Variants in CDH13 observed in about 807,000 individuals in gnomAD.
CDH13 encodes cadherin-13.
In CDH13, 24 loss-of-function variants were observed where a neutral mutation model predicts 63.8. The ratio of observed to expected loss-of-function variants is 0.38; its 90% CI spans 0.27 to 0.53. CDH13 has a LOEUF of 0.53. Ranked by LOEUF, CDH13 falls within the 20% of genes least tolerant of loss-of-function variation. CDH13 has a pLI of 0.85. For missense variants in CDH13, 1,049 were observed against 903.1 expected, an observed-to-expected ratio of 1.16 and a Z score of -2.07; for synonymous variants, 503 against 355.3, an observed-to-expected ratio of 1.42 and a Z score of -4.67.
At chr16:83,329,751 C>G (rs1315618187) in intron 5 of CDH13, among the ~76,000 whole-genome samples, 1 of 152,122 alleles carries the variant, frequency 6.6e-6, no homozygotes, top group East Asian at 1.9e-4. Context: ...CTTTAGAGAG[C>G]TCATATAAGT....
Position 82,700,951 on chromosome 16 carries a change from A to ACCCCCCCCCCCCCCCCCCCC in CDH13, c.45+73817_45+73818insCCCCCCCCCCCCCCCCCCCC, listed in dbSNP as rs1287553502. On this transcript the variant is annotated intron_variant, in intron 1 of 13. Coordinates refer to ENST00000567109, the MANE Select transcript of CDH13 (RefSeq NM_001257.5). ...TACGTGCACCATTGTAAGTGCTGGAACCCGCCCCCCCCCCCCCCCCCCCGC... is the reference window on the plus strand; with the variant it reads ...TACGTGCACCATTGTAAGTGCTGGAACCCCCCCCCCCCCCCCCCCCCCCGCCCCCCCCCCCCCCCCCCCGC... Among the ~76,000 whole-genome samples the ACCCCCCCCCCCCCCCCCCCC allele has an allele frequency of 5.1e-4, 7 of 13,806 alleles. 1 individual carries two copies. The highest frequency in any genetic ancestry group is 1.0e-3 in the Non-Finnish European group (5 of 4,876). 9.1% of individuals were successfully genotyped at this position (13,806 alleles called of 152,430 possible).
chr16:83,593,172 C>T (rs9930714), intron 7 of CDH13, among the ~76,000 whole-genome samples: 1,586 of 152,262 alleles, frequency 0.01, 33 homozygotes, highest in African/African-American at 0.036. Flanking sequence ...ATTGCAAGGA[C>T]GCTTGTGATG....
chr16:83,331,393 C>G (rs1169775863), intron 5 of CDH13, among the ~76,000 whole-genome samples: 1 of 152,156 alleles, frequency 6.6e-6, no homozygotes. Flanking sequence ...TACTATAATA[C>G]TGATGATGTC....
At chr16:83,427,839 T>C (rs1380562181) in intron 6 of CDH13, among the ~76,000 whole-genome samples, 1 of 152,196 alleles carries the variant, frequency 6.6e-6, no homozygotes, top group East Asian at 1.9e-4. Context: ...GTTCCCCTAA[T>C]AGTATTAACA....
At chr16:83,259,471 G>C (rs1263913288) in intron 5 of CDH13, among the ~76,000 whole-genome samples, 4 of 152,124 alleles carry the variant, frequency 2.6e-5, no homozygotes, top group Admixed American at 1.3e-4. Context: ...TGGGTGGCCA[G>C]TGGAGTTCTC....
chr16:83,547,357 T>C (rs1737248049), intron 7 of CDH13, among the ~76,000 whole-genome samples: 1 of 152,234 alleles, frequency 6.6e-6, no homozygotes, highest in African/African-American at 2.4e-5. Flanking sequence ...ATTTGTTACA[T>C]AGGTAAACTC....
intron 4 of CDH13, among the ~76,000 whole-genome samples, chr16:83,186,431 C>G (rs1014818225): frequency 2.6e-5 from 4 of 152,134 alleles, no homozygotes; most frequent in Non-Finnish European, 5.9e-5. Flanking sequence ...GCCACAGCGC[C>G]CGGCCTAATG....
intron 2 of CDH13, among the ~76,000 whole-genome samples, chr16:82,884,938 C>G (rs1208156260): frequency 6.6e-6 from 1 of 152,168 alleles, no homozygotes; most frequent in Non-Finnish European, 1.5e-5. Context: ...AAAGCTCTTT[C>G]TTTTGGGGAG....
chr16:83,261,367 A>G (rs1400980012), intron 5 of CDH13, among the ~76,000 whole-genome samples: 1 of 152,180 alleles, frequency 6.6e-6, no homozygotes, highest in Non-Finnish European at 1.5e-5. Flanking sequence ...CCTTCAGGGG[A>G]GAACTGGCAG....
intron 2 of CDH13, among the ~76,000 whole-genome samples, chr16:82,893,124 C>T (rs896134331): frequency 6.6e-6 from 1 of 152,198 alleles, no homozygotes; most frequent in Non-Finnish European, 1.5e-5. Flanking sequence ...TAAATTAGCA[C>T]TACAGAATGA....
chr16:83,604,286 G>A (rs1017417646), intron 8 of CDH13, among the ~76,000 whole-genome samples: 1 of 152,132 alleles, frequency 6.6e-6, no homozygotes, highest in African/African-American at 2.4e-5. Flanking sequence ...TCCCATGGCA[G>A]GGTTCCTCTA....
At chr16:82,930,740 G>A (rs538997818) in intron 2 of CDH13, among the ~76,000 whole-genome samples, 15 of 152,244 alleles carry the variant, frequency 9.9e-5, no homozygotes, top group South Asian at 4.2e-4. Flanking sequence ...AAGCTATAAA[G>A]CATTGGTGAT....
chr16:82,737,614 G>C (rs1030224214), intron 1 of CDH13, among the ~76,000 whole-genome samples: 4 of 152,200 alleles, frequency 2.6e-5, no homozygotes, highest in Non-Finnish European at 4.4e-5. Flanking sequence ...GTGGGGATTT[G>C]AGGGTAGCTT....
At chr16:83,686,374 T>C (rs1904318005) in intron 10 of CDH13, among the ~76,000 whole-genome samples, 1 of 152,170 alleles carries the variant, frequency 6.6e-6, no homozygotes, top group South Asian at 2.1e-4. Flanking sequence ...GTTAAGCACT[T>C]TAGGCACAGG....
intron 1 of CDH13, among the ~76,000 whole-genome samples, chr16:82,717,004 C>A (rs1414783766): frequency 6.6e-6 from 1 of 152,008 alleles, no homozygotes; most frequent in African/African-American, 2.4e-5. Context: ...GAAGGAGTGC[C>A]TTTTGGGGAA....
intron 1 of CDH13, among the ~76,000 whole-genome samples, chr16:82,701,340 C>G (rs1313717005): frequency 6.6e-6 from 1 of 152,112 alleles, no homozygotes; most frequent in Non-Finnish European, 1.5e-5. Context: ...TATAATTTTT[C>G]TACAACTTTG....
intron 6 of CDH13, among the ~76,000 whole-genome samples, chr16:83,418,913 A>G (rs2071631038): frequency 6.6e-6 from 1 of 152,134 alleles, no homozygotes; most frequent in Admixed American, 6.6e-5. Flanking sequence ...TGTCATATGG[A>G]GAATTTTCAG....
chr16:83,349,382 C>G (rs1250716382), intron 6 of CDH13, among the ~76,000 whole-genome samples: 2 of 152,088 alleles, frequency 1.3e-5, no homozygotes, highest in African/African-American at 4.8e-5. Flanking sequence ...TTGTTGGCAT[C>G]AATTCATGGG....
At chr16:83,030,735 C>T (rs1916231576) in intron 2 of CDH13, among the ~76,000 whole-genome samples, 1 of 151,176 alleles carries the variant, frequency 6.6e-6, no homozygotes, top group Non-Finnish European at 1.5e-5. Context: ...GAGCACACAC[C>T]TGATCTTGAC....
Sources: gnomAD v4.1 joint callset for allele counts (sites outside exome capture counted in the v4.1 genomes callset) on GRCh38, gnomAD v4.1.1 for gene constraint, MANE v1.5 for transcripts, NCBI Gene and HGNC (gene_info 2026-07-23, HGNC 2026-07-21) for gene names.